The following CERKL variants were observed in gnomAD, a reference collection of about 807,000 sequenced individuals.
CERKL encodes the protein CERK like autophagy regulator.
CERKL carries 61 observed loss-of-function variants against 63.4 expected under a neutral mutation model. The observed-to-expected ratio is 0.96, with a 90% CI of 0.78 to 1.19. The LOEUF (loss-of-function observed/expected upper bound fraction) is 1.19. CERKL is among the 50% of genes most tolerant of loss of function. CERKL has a pLI of 0.00. For synonymous variants in CERKL, 250 were observed against 230.5 expected (o/e 1.08, Z -0.77); for missense variants, 675 against 655.5 (o/e 1.03, Z -0.33).
At chr2:181,579,895 T>C (rs1684424759) in intron 2 of CERKL, among the ~76,000 whole-genome samples, 1 of 151,910 alleles carries the variant, frequency 6.6e-6, no homozygotes, top group South Asian at 2.1e-4. Flanking sequence ...AATTTTTGTA[T>C]GTGTTTGGAT....
chr2:181,591,046 C>T (rs1024647281), intron 2 of CERKL, among the ~76,000 whole-genome samples: 1 of 152,054 alleles, frequency 6.6e-6, no homozygotes, highest in African/African-American at 2.4e-5. Flanking sequence ...ACAGACAACA[C>T]AATGAAGTCT....
intron 1 of CERKL, among the ~76,000 whole-genome samples, chr2:181,653,335 T>C (rs1688017649): frequency 1.3e-5 from 2 of 152,232 alleles, no homozygotes; most frequent in South Asian, 4.1e-4. Context: ...ACAGTCAATA[T>C]GGAAAACAGC....
At chr2:181,541,209 C>G (rs1436255841) in intron 11 of CERKL, among the ~76,000 whole-genome samples, 1 of 152,090 alleles carries the variant, frequency 6.6e-6, no homozygotes, top group Non-Finnish European at 1.5e-5. Context: ...GAAATTTGGA[C>G]ATAGGAAAAG....
chr2:181,619,332 T>A (rs1686348996), intron 1 of CERKL, among the ~76,000 whole-genome samples: 1 of 152,042 alleles, frequency 6.6e-6, no homozygotes, highest in Non-Finnish European at 1.5e-5. Context: ...TAGTCTTTTT[T>A]TTTTTGGCAT....
chr2:181,578,242 GTA>G (rs1442713901), intron 2 of CERKL, among the ~76,000 whole-genome samples: 1 of 135,112 alleles, frequency 7.4e-6, no homozygotes, highest in Non-Finnish European at 1.6e-5. Context: ...ATATATGTGT[GTA>G]TATATATGTG....
At chr2:181,606,512 GGGGAGGA>G (rs1427199463) in intron 1 of CERKL, among the ~76,000 whole-genome samples, 1 of 39,148 alleles carries the variant, frequency 2.6e-5, no homozygotes, top group South Asian at 2.0e-3. Flanking sequence ...GGAGGGGAGG[GGGGAGGA>G]GAGGGTAGGG....
intron 2 of CERKL, among the ~76,000 whole-genome samples, chr2:181,590,493 A>C (rs768489499): frequency 8.3e-5 from 12 of 144,016 alleles, no homozygotes; most frequent in South Asian, 2.1e-4. Context: ...GTTATAAGAG[A>C]AAAGTTATAT....
intron 4 of CERKL, among the ~76,000 whole-genome samples, chr2:181,561,079 C>T (rs1267598377): frequency 6.6e-6 from 1 of 151,926 alleles, no homozygotes; most frequent in Non-Finnish European, 1.5e-5. Flanking sequence ...CTCCTTATAC[C>T]CTCTTGTCTT....
At chr2:181,648,190 C>T (rs1414975441) in intron 1 of CERKL, among the ~76,000 whole-genome samples, 1 of 151,944 alleles carries the variant, frequency 6.6e-6, no homozygotes, top group Non-Finnish European at 1.5e-5. Context: ...CAAAGATTCC[C>T]AATTAGATTA....
At chr2:181,578,434 G>A (rs1221310398) in intron 2 of CERKL, among the ~76,000 whole-genome samples, 1 of 151,960 alleles carries the variant, frequency 6.6e-6, no homozygotes, top group Non-Finnish European at 1.5e-5. Flanking sequence ...CAAGTAGCTG[G>A]GACCACAGGC....
chr2:181,565,876 G>C (rs1197359223), intron 4 of CERKL, among the ~76,000 whole-genome samples, 182 bp downstream of exon 4: 1 of 152,064 alleles, frequency 6.6e-6, no homozygotes, highest in Non-Finnish European at 1.5e-5. Flanking sequence ...GCCAGATCCT[G>C]AGAGATAGAT....
At chr2:181,543,416 A>G (rs911498580) in intron 11 of CERKL, among the ~76,000 whole-genome samples, 3 of 152,230 alleles carry the variant, frequency 2.0e-5, no homozygotes, top group Non-Finnish European at 2.9e-5. Context: ...CTACTTTGAC[A>G]TATAAAGAAA....
At chr2:181,540,034 C>CT (rs1221357836) in intron 11 of CERKL, among the ~76,000 whole-genome samples, 2 of 141,882 alleles carry the variant, frequency 1.4e-5, no homozygotes, top group Non-Finnish European at 3.0e-5. Flanking sequence ...AGTTTTTCCC[C>CT]TTTTCCACAT....
chr2:181,595,543 A>C (rs1390678970), intron 2 of CERKL, among the ~76,000 whole-genome samples: 1 of 152,206 alleles, frequency 6.6e-6, no homozygotes, highest in African/African-American at 2.4e-5. Flanking sequence ...AGTATACTTA[A>C]TAGGTATTGT....
intron 2 of CERKL, among the ~76,000 whole-genome samples, chr2:181,594,698 AT>A (rs934792796): frequency 6.6e-6 from 1 of 152,194 alleles, no homozygotes; most frequent in African/African-American, 2.4e-5. Flanking sequence ...CACCTAATGT[AT>A]TTTTTTCAAA....
chr2:181,544,549 T>C, intron 11 of CERKL, 151 bp downstream of exon 11: 1 of 565,212 alleles, frequency 1.8e-6, no homozygotes, highest in Non-Finnish European at 3.1e-6. Context: ...TTTTCAAAAT[T>C]TGGATGAAAT....
At position 181,603,868 on chromosome 2, in the gene CERKL, T is replaced by C. The variant is rs780561754; in HGVS notation, c.450A>G (p.Ile150Met). 5 of 1,613,358 alleles carry C rather than the reference T, an allele frequency of 3.1e-6. No homozygotes were observed. The highest frequency in any genetic ancestry group is 4.2e-6 in the Non-Finnish European group (5 of 1,179,500). ...ATATTTTCTTGAACTGTCTAAACCA[T>C]ATGTCACAGTGGTCTTCACTTAAAT... ...LINLSEDHCD[I>M]WFRQFKKILA... Residue 150 changes from isoleucine (I) to methionine (M), a missense_variant, in exon 2 of 13, where the codon ATA becomes ATG. Ile to Met is a conservative substitution (Grantham distance 10). Coordinates refer to ENST00000410087, the MANE Select transcript of CERKL (RefSeq NM_201548.5).
At chr2:181,539,679 G>A (rs912569440) in intron 11 of CERKL, among the ~76,000 whole-genome samples, 1 of 152,122 alleles carries the variant, frequency 6.6e-6, no homozygotes, top group Admixed American at 6.6e-5. Context: ...TTGGAAGAAC[G>A]CAAGTCTAAA....
intron 2 of CERKL, among the ~76,000 whole-genome samples, chr2:181,579,417 A>C (rs779301541): frequency 1.3e-4 from 20 of 151,882 alleles, no homozygotes; most frequent in Non-Finnish European, 2.4e-4. Context: ...TAAATGTTTA[A>C]GAGTTATTTT....
Sources: gnomAD v4.1 joint callset for allele counts (sites outside exome capture counted in the v4.1 genomes callset) on GRCh38, gnomAD v4.1.1 for gene constraint, MANE v1.5 for transcripts, NCBI Gene and HGNC (gene_info 2026-07-23, HGNC 2026-07-21) for gene names.